Variants in ANO3 observed in about 807,000 individuals in gnomAD.
ANO3 encodes anoctamin-3.
A neutral mutation model predicts 144.8 loss-of-function variants in ANO3; 99 were observed. The observed-to-expected ratio is 0.68, with a 90% CI of 0.58 to 0.81. The LOEUF (loss-of-function observed/expected upper bound fraction) is 0.81, where lower values mean the gene tolerates loss of function less well. Among genes scored for constraint, ANO3 ranks in the 30% least tolerant of loss-of-function variants. The pLI is 0.00. For synonymous variants in ANO3, 414 were observed against 392.6 expected, an observed-to-expected ratio of 1.05 and a Z score of -0.64; for missense variants, 905 against 1,202.2, an observed-to-expected ratio of 0.75 and a Z score of 3.66.
At chr11:26,260,930 T>C (rs1446514474) in intron 1 of ANO3, among the ~76,000 whole-genome samples, 1 of 152,170 alleles carries the variant, frequency 6.6e-6, no homozygotes, top group Non-Finnish European at 1.5e-5. Context: ...AGAAACTTAC[T>C]GAGGCACACG....
chr11:26,415,490 G>A (rs1857558045), intron 1 of ANO3, among the ~76,000 whole-genome samples: 3 of 152,160 alleles, frequency 2.0e-5, no homozygotes, highest in South Asian at 4.1e-4. Flanking sequence ...ATAAATTATG[G>A]TTTCAGTTTC....
intron 1 of ANO3, among the ~76,000 whole-genome samples, chr11:26,408,796 T>TA (rs1857357140): frequency 6.7e-6 from 1 of 149,202 alleles, no homozygotes; most frequent in Non-Finnish European, 1.5e-5. Flanking sequence ...TATGCAGCCA[T>TA]AAAAAATGAA....
chr11:26,321,412 G>A (rs1044052843), intron 1 of ANO3, among the ~76,000 whole-genome samples: 1 of 151,716 alleles, frequency 6.6e-6, no homozygotes, highest in African/African-American at 2.4e-5. Flanking sequence ...AAGTTCCCCT[G>A]GAAAGTGTAT....
intron 1 of ANO3, among the ~76,000 whole-genome samples, chr11:26,190,020 A>G (rs914520646): frequency 6.6e-6 from 1 of 152,168 alleles, no homozygotes; most frequent in Non-Finnish European, 1.5e-5. Context: ...TCAACAGTGA[A>G]TTAATTGTGC....
intron 3 of ANO3, among the ~76,000 whole-genome samples, chr11:26,459,903 G>C (rs1245098612): frequency 6.6e-6 from 1 of 151,960 alleles, no homozygotes; most frequent in East Asian, 1.9e-4. Flanking sequence ...TTATTCATAG[G>C]CTTAAAGGAA....
intron 1 of ANO3, among the ~76,000 whole-genome samples, chr11:26,228,983 C>T (rs2133799947): frequency 6.6e-6 from 1 of 152,252 alleles, no homozygotes; most frequent in Non-Finnish European, 1.5e-5. Context: ...TTAACAATGC[C>T]ATCCTGTGGC....
At chr11:26,262,994 G>A (rs1853226335) in intron 1 of ANO3, among the ~76,000 whole-genome samples, 1 of 152,198 alleles carries the variant, frequency 6.6e-6, no homozygotes, top group Non-Finnish European at 1.5e-5. Context: ...GTGACTGAAT[G>A]AATGGGTGGG....
At chr11:26,224,373 T>C (rs182980091) in intron 1 of ANO3, among the ~76,000 whole-genome samples, 73 of 152,350 alleles carry the variant, frequency 4.8e-4, no homozygotes, top group Non-Finnish European at 8.5e-4. Context: ...CCAGGAAGCA[T>C]GTAGGCAGCT....
intron 23 of ANO3, among the ~76,000 whole-genome samples, chr11:26,643,808 T>G (rs185535780): frequency 6.6e-4 from 100 of 152,268 alleles, no homozygotes; most frequent in Non-Finnish European, 1.1e-3. Context: ...AGGGAGTGAC[T>G]TCATTCTCTT....
chr11:26,617,362 C>T (rs1289662980), intron 17 of ANO3, among the ~76,000 whole-genome samples: 4 of 152,160 alleles, frequency 2.6e-5, no homozygotes, highest in African/African-American at 9.7e-5. Flanking sequence ...TTCCAAAGCA[C>T]TTGCATTTTA....
chr11:26,377,477 A>G (rs574698710), intron 1 of ANO3, among the ~76,000 whole-genome samples: 10 of 152,120 alleles, frequency 6.6e-5, no homozygotes, highest in Non-Finnish European at 1.3e-4. Context: ...GAGACCAATG[A>G]GCTGGAATAT....
intron 5 of ANO3, among the ~76,000 whole-genome samples, chr11:26,514,912 A>T (rs294014): frequency 6.6e-6 from 1 of 151,964 alleles, no homozygotes; most frequent in South Asian, 2.1e-4. Flanking sequence ...CTAAAAGAGA[A>T]TGGAAAAAAA....
chr11:26,218,945 C>G (rs552364472), intron 1 of ANO3, among the ~76,000 whole-genome samples: 1 of 152,114 alleles, frequency 6.6e-6, no homozygotes, highest in Non-Finnish European at 1.5e-5. Flanking sequence ...CTCCTAAGCT[C>G]TGTTGAGAAA....
intron 1 of ANO3, among the ~76,000 whole-genome samples, chr11:26,413,924 T>A (rs1487957071): frequency 6.6e-6 from 1 of 152,046 alleles, no homozygotes; most frequent in African/African-American, 2.4e-5. Flanking sequence ...GTAACTATAA[T>A]AAATTCTGAA....
intron 1 of ANO3, among the ~76,000 whole-genome samples, chr11:26,310,058 A>G (rs2133869864): frequency 6.6e-6 from 1 of 152,268 alleles, no homozygotes. Flanking sequence ...TAATCAGCAA[A>G]AGGCCCTACA....
At chr11:26,355,344 T>C (rs1855751530) in intron 1 of ANO3, among the ~76,000 whole-genome samples, 1 of 152,162 alleles carries the variant, frequency 6.6e-6, no homozygotes, top group South Asian at 2.1e-4. Flanking sequence ...TTTTTTTCCT[T>C]TCATCACTTT....
chr11:26,531,708 T>A (rs984216737), intron 8 of ANO3, among the ~76,000 whole-genome samples: 42 of 152,092 alleles, frequency 2.8e-4, no homozygotes, highest in African/African-American at 1.0e-3. Context: ...ATAAATAAAT[T>A]ATAATTATAA....
chr11:26,244,128 AAAAG>A lies in ANO3; in HGVS notation c.154+54802_154+54805del, dbSNP rs1229134382. Among the ~76,000 whole-genome samples, 374 of 139,726 alleles carry A rather than the reference AAAAG, an allele frequency of 2.7e-3. 5 individuals carry two copies. The highest frequency in any genetic ancestry group is 2.0e-3 in the Non-Finnish European group (123 of 61,680). The allele number at this position is 139,726 out of a possible 152,430, so 91.7% of individuals were successfully genotyped here. On this transcript the variant is annotated intron_variant, in intron 1 of 27. Coordinates refer to the ANO3 transcript ENST00000672621. Reference sequence around the variant, plus strand: ...CAAGACTCTGTCTGAAAAAAAAAAAAAAAGAAAAGAAAAAGAAAAAGAAAAGAAA... The same window carrying A: ...CAAGACTCTGTCTGAAAAAAAAAAAAAAAAGAAAAAGAAAAAGAAAAGAAA...
upstream of ANO3, chr11:26,331,971 C>T (rs904906283): frequency 6.9e-6 from 4 of 582,790 alleles, no homozygotes; most frequent in African/African-American, 3.8e-5. Context: ...AAGTCTTCTG[C>T]TCCCACTCCC....
Sources: gnomAD v4.1 joint callset for allele counts (sites outside exome capture counted in the v4.1 genomes callset) on GRCh38, gnomAD v4.1.1 for gene constraint, MANE v1.5 for transcripts, NCBI Gene and HGNC (gene_info 2026-07-23, HGNC 2026-07-21) for gene names.